TRAF3: variants seen among roughly 807,000 people sequenced by gnomAD.
The protein encoded by TRAF3 is TNF receptor-associated factor 3.
Under a neutral mutation model 62.3 loss-of-function variants are expected in TRAF3, and 13 were observed. The ratio of observed to expected loss-of-function variants is 0.21; its 90% CI spans 0.14 to 0.33. The LOEUF is 0.33. Among genes scored for constraint, TRAF3 ranks in the 10% least tolerant of loss-of-function variants. The pLI, the probability that TRAF3 is intolerant of heterozygous loss-of-function variation, is 1.00. For synonymous variants in TRAF3, 269 were observed against 283.4 expected (o/e 0.95, Z 0.51); for missense variants, 440 against 741.8 (o/e 0.59, Z 4.73).
At chr14:102,788,773 G>A (rs1018195231) in intron 1 of TRAF3, among the ~76,000 whole-genome samples, 1 of 151,926 alleles carries the variant, frequency 6.6e-6, no homozygotes, top group Non-Finnish European at 1.5e-5. Context: ...ACTCCAGTCT[G>A]GGAGACAGAG....
intron 2 of TRAF3, among the ~76,000 whole-genome samples, chr14:102,869,484 T>A (rs923924544): frequency 2.0e-5 from 3 of 152,196 alleles, no homozygotes; most frequent in Admixed American, 1.3e-4. Flanking sequence ...TGTATTTTTT[T>A]AAACCTCAAA....
chr14:102,822,771 G>A (rs926822149), intron 1 of TRAF3, among the ~76,000 whole-genome samples: 1 of 152,162 alleles, frequency 6.6e-6, no homozygotes, highest in South Asian at 2.1e-4. Flanking sequence ...TTTGGGAGGT[G>A]AAGGCGGGTG....
intron 4 of TRAF3, among the ~76,000 whole-genome samples, chr14:102,875,014 A>G (rs1888565021): frequency 6.6e-6 from 1 of 152,192 alleles, no homozygotes; most frequent in South Asian, 2.1e-4. Context: ...AGACTGCAAT[A>G]TATGTTTAAA....
intron 1 of TRAF3, among the ~76,000 whole-genome samples, chr14:102,797,862 C>G (rs946989966): frequency 6.6e-6 from 1 of 151,966 alleles, no homozygotes; most frequent in Non-Finnish European, 1.5e-5. Flanking sequence ...CTCAGCTTCC[C>G]GAGTAGCTGG....
chr14:102,840,021 G>T (rs926256897), intron 2 of TRAF3, among the ~76,000 whole-genome samples: 2 of 152,100 alleles, frequency 1.3e-5, no homozygotes, highest in Non-Finnish European at 2.9e-5. Context: ...GTTATTCCCG[G>T]AGACTTCCAT....
chr14:102,834,188 G>A (rs953667905), intron 2 of TRAF3, among the ~76,000 whole-genome samples: 1 of 152,062 alleles, frequency 6.6e-6, no homozygotes, highest in African/African-American at 2.4e-5. Flanking sequence ...ATTCTGTTAC[G>A]CAACTTCAGA....
At position 102,891,327 on chromosome 14, in the gene TRAF3, G is replaced by A. The variant is rs755678092; in HGVS notation, c.729G>A (p.Gly243=). 2.4e-5 allele frequency: 39 copies of A among 1,612,696 alleles called. No individual in the cohort carries two copies. The highest frequency in any genetic ancestry group is 5.0e-5 in the Admixed American group (3 of 59,952). Residue 243 remains glycine, a splice_region_variant and synonymous_variant, in exon 9 of 12, where the codon GGG becomes GGA. Transcript: ENST00000392745. Reference sequence around the variant, plus strand: ...GCCTCACATGTTTGCTCTCGCAGGGGACAAACCAGCAGATCAAGGCCCACG... The same window carrying A: ...GCCTCACATGTTTGCTCTCGCAGGGAACAAACCAGCAGATCAAGGCCCACG... ...SFKRYGCVFQ[G]TNQQIKAHEA...
chr14:102,872,460 T>C (rs1888395497), intron 4 of TRAF3, among the ~76,000 whole-genome samples: 1 of 152,174 alleles, frequency 6.6e-6, no homozygotes, highest in East Asian at 1.9e-4. Flanking sequence ...TTTAAGTCAT[T>C]AGACATGAGT....
intron 7 of TRAF3, among the ~76,000 whole-genome samples, chr14:102,888,598 A>G (rs1384939418): frequency 6.6e-6 from 1 of 152,226 alleles, no homozygotes; most frequent in African/African-American, 2.4e-5. Context: ...GGCACACAGA[A>G]GAACACATTC....
At position 102,813,181 on chromosome 14, in the gene TRAF3, A is replaced by G. The variant is rs1157196072; in HGVS notation, c.-156-17153A>G. Among the ~76,000 whole-genome samples the G allele has an allele frequency of 7.8e-4, 33 of 42,508 alleles. 1 individual carries two copies. Among genetic ancestry groups the G allele is most frequent in the Non-Finnish European group, 3.2e-3 (28 of 8,646 alleles). The allele number at this position is 42,508 out of a possible 152,430, so 27.9% of individuals were successfully genotyped here. ...GTAGAGACGGGGTTTCTCCATGTTG[A>G]TCAGGCTGGTCTCGAACTCCTGACC... On this transcript the variant is annotated intron_variant, in intron 1 of 11. Coordinates refer to ENST00000392745, the MANE Select transcript of TRAF3 (RefSeq NM_145725.3).
At chr14:102,805,977 G>A (rs1898748227) in intron 1 of TRAF3, among the ~76,000 whole-genome samples, 1 of 148,010 alleles carries the variant, frequency 6.8e-6, no homozygotes, top group Non-Finnish European at 1.5e-5. Context: ...AGACCACTGG[G>A]TCTGGGACAG....
At chr14:102,839,229 T>C (rs1886224092) in intron 2 of TRAF3, among the ~76,000 whole-genome samples, 1 of 141,868 alleles carries the variant, frequency 7.0e-6, no homozygotes, top group Admixed American at 7.0e-5. Flanking sequence ...TTTTTTTTTT[T>C]TTTTTTTTTG....
In TRAF3 at chr14:102,910,227, G is replaced by C. The variant is rs1397617244; in HGVS notation, c.*4443G>C. On this transcript the variant is annotated 3_prime_UTR_variant, in exon 12 of 12. Transcript: ENST00000392745. ...CTGGGGGTAATTTGTGTGTCAGAAG[G>C]GCTCTGGCAGAGCTGTAAAATACTG... The C allele has an allele frequency of 6.6e-6, 1 of 152,236 alleles. No individual in the cohort carries two copies. Among genetic ancestry groups the C allele is most frequent in the Non-Finnish European group, 1.5e-5 (1 of 68,046 alleles). The allele number at this position is 152,236 out of a possible 1,614,324, so 9.4% of individuals were successfully genotyped here. A position where few individuals can be genotyped will look rare whatever the true frequency, so the allele number is the denominator to read the frequency against.
intron 9 of TRAF3, among the ~76,000 whole-genome samples, chr14:102,896,971 G>T (rs535044570): frequency 6.6e-6 from 1 of 152,288 alleles, no homozygotes; most frequent in South Asian, 2.1e-4. Flanking sequence ...TTACTCAAGA[G>T]GCTGAAGTGG....
intron 9 of TRAF3, among the ~76,000 whole-genome samples, chr14:102,894,855 C>T (rs1436561256): frequency 6.6e-6 from 1 of 152,116 alleles, no homozygotes; most frequent in Non-Finnish European, 1.5e-5. Context: ...TTGCACCACA[C>T]CTGGCTAATT....
intron 8 of TRAF3, 44 bp downstream of exon 8, chr14:102,889,678 C>T (rs1375299157): frequency 1.3e-6 from 2 of 1,598,072 alleles, no homozygotes; most frequent in South Asian, 1.1e-5. Context: ...GACATTCTGC[C>T]ATGAGAGAAA....
chr14:102,818,655 A>C (rs193286877), intron 1 of TRAF3, among the ~76,000 whole-genome samples: 1 of 152,178 alleles, frequency 6.6e-6, no homozygotes, highest in East Asian at 1.9e-4. Flanking sequence ...CCACTGTTCT[A>C]CTCTACGCTT....
In TRAF3 at chr14:102,907,506, CG is replaced by C. The variant is rs1890641686; in HGVS notation, c.*1725del. The C allele has an allele frequency of 6.6e-6, 1 of 152,320 alleles. No homozygotes were observed. The highest frequency in any genetic ancestry group is 2.4e-5 in the African/African-American group (1 of 41,472). 9.4% of individuals were successfully genotyped at this position (152,320 alleles called of 1,614,324 possible). A position where few individuals can be genotyped will look rare whatever the true frequency, so the allele number is the denominator to read the frequency against. On this transcript the variant is annotated 3_prime_UTR_variant, in exon 12 of 12. Transcript: ENST00000392745. ...TACCACTGATGGGTGCTACACGCGACGGGTGCTTCTTAGGCAAAACCAATGT... is the reference window on the plus strand; with the variant it reads ...TACCACTGATGGGTGCTACACGCGACGGTGCTTCTTAGGCAAAACCAATGT...
At position 102,888,589 on chromosome 14, in the gene TRAF3, G is replaced by C. The variant is rs1889536622; in HGVS notation, c.652-971G>C. 2.0e-5 allele frequency among the ~76,000 whole-genome samples: 3 copies of C among 152,270 alleles called. No homozygotes were observed. The South Asian group carries it at 6.2e-4, about 32-fold the overall frequency. ...GAGCCTTGGGAACACATGCATGCTGGCACACAGAAGAACACATTCCCGGCT... is the reference window on the plus strand; with the variant it reads ...GAGCCTTGGGAACACATGCATGCTGCCACACAGAAGAACACATTCCCGGCT... On this transcript the variant is annotated intron_variant, in intron 7 of 11. Coordinates refer to ENST00000392745, the MANE Select transcript of TRAF3 (RefSeq NM_145725.3).
Sources: allele counts gnomAD v4.1 joint callset (sites outside exome capture counted in the v4.1 genomes callset), GRCh38; gene constraint gnomAD v4.1.1; transcripts MANE v1.5; gene names NCBI Gene and HGNC (gene_info 2026-07-23, HGNC 2026-07-21).